Variants in SPINK5 observed in about 807,000 individuals in gnomAD.
SPINK5 encodes the protein serine peptidase inhibitor Kazal type 5, also known as serine protease inhibitor Kazal-type 5.
Under a neutral mutation model 151.8 loss-of-function variants are expected in SPINK5, and 125 were observed. The observed-to-expected ratio is 0.82, with a 90% CI of 0.71 to 0.96. SPINK5 has a LOEUF of 0.96. Among genes scored for constraint, SPINK5 ranks in the 40% least tolerant of loss-of-function variants. The probability of loss-of-function intolerance (pLI) is 0.00; values close to 1 mark genes in which losing one functional copy is unlikely to be tolerated. For missense variants in SPINK5, 1,194 were observed against 1,291.9 expected (o/e 0.92, Z 1.16); for synonymous variants, 374 against 395.3 (o/e 0.95, Z 0.64).
At position 148,064,057 on chromosome 5, in the gene SPINK5, A is replaced by C. The variant is rs769595604; in HGVS notation, c.13A>C (p.Thr5Pro). MKIA[T>P]VSVLLPLALC... ...CATCGTCTTCAACATGAAGATAGCC[A>C]CAGTGTCAGTGCTTCTGCCCTTGGC... Residue 5 changes from threonine (T) to proline (P), a missense_variant, in exon 1 of 33, where the codon ACA becomes CCA. Coordinates refer to ENST00000256084, the MANE Select transcript of SPINK5 (RefSeq NM_006846.4). 6.8e-6 allele frequency: 11 copies of C among 1,614,080 alleles called. No individual in the cohort carries two copies. The East Asian group carries it at 2.5e-4, about 36-fold the overall frequency.
At chr5:148,089,757 C>A in intron 7 of SPINK5, 136 bp downstream of exon 7, 3 of 1,250,284 alleles carry the variant, frequency 2.4e-6, no homozygotes, top group Non-Finnish European at 2.3e-6. Context: ...TAGCCTTTCT[C>A]ACAGAAAGGC....
intron 1 of SPINK5, among the ~76,000 whole-genome samples, 168 bp downstream of exon 1, chr5:148,064,267 T>C (rs1752519266): frequency 6.6e-6 from 1 of 152,214 alleles, no homozygotes; most frequent in African/African-American, 2.4e-5. Context: ...GGCTTTATAA[T>C]TATGTTGTTA....
At position 148,131,507 on chromosome 5, in the gene SPINK5, T is replaced by G. The variant is rs575973286; in HGVS notation, c.3095+118T>G. On this transcript the variant is annotated intron_variant, in intron 31 of 32. Transcript: ENST00000256084. ...TGTGTTGCAAGTAATTTATTCATCA[T>G]AGAAGTTAAAAATTCAAAATTTGTG... 40 of 1,452,690 alleles carry G rather than the reference T, an allele frequency of 2.8e-5. 1 individual carries two copies. In the Admixed American group the frequency reaches 7.1e-4, roughly 26 times the overall value. The allele number at this position is 1,452,690 out of a possible 1,614,324, so 90.0% of individuals were successfully genotyped here.
rs1424448025 is a variant in SPINK5, at chr5:148,072,138, C to G, written c.210-10C>G. 2 of 1,611,078 alleles carry G rather than the reference C, an allele frequency of 1.2e-6. No homozygotes were observed. The highest frequency in any genetic ancestry group is 1.7e-6 in the Non-Finnish European group (2 of 1,177,906). ...ATGTTTAAACTATGCTATTTCTTGT[C>G]CTTTTCCAGGGAAAAAGAAGCAAAA... On this transcript the variant is annotated splice_polypyrimidine_tract_variant and intron_variant, in intron 3 of 32. Transcript: ENST00000256084.
At chr5:148,093,838 C>T (rs1753380979) in intron 8 of SPINK5, among the ~76,000 whole-genome samples, 1 of 151,802 alleles carries the variant, frequency 6.6e-6, no homozygotes, top group African/African-American at 2.4e-5. Flanking sequence ...AATAAACCTA[C>T]CACATAACAG....
chr5:148,080,893 T>C (rs1337226210), intron 4 of SPINK5, among the ~76,000 whole-genome samples: 5 of 151,576 alleles, frequency 3.3e-5, no homozygotes, highest in Non-Finnish European at 7.4e-5. Flanking sequence ...ACAACCTATA[T>C]AGCAGGTAAG....
intron 22 of SPINK5, among the ~76,000 whole-genome samples, chr5:148,118,017 TTTTG>T (rs1219457393): frequency 2.0e-5 from 3 of 151,778 alleles, no homozygotes; most frequent in South Asian, 2.1e-4. Flanking sequence ...TTAGGGGTTT[TTTTG>T]TTTGTTTGTT....
intron 2 of SPINK5, among the ~76,000 whole-genome samples, chr5:148,067,908 C>T (rs1752627048): frequency 6.6e-6 from 1 of 152,086 alleles, no homozygotes. Flanking sequence ...GCCACTGCAC[C>T]TGGCCTGATG....
intron 26 of SPINK5, among the ~76,000 whole-genome samples, chr5:148,121,430 C>T (rs1001067565): frequency 1.3e-5 from 2 of 151,736 alleles, no homozygotes; most frequent in Non-Finnish European, 2.9e-5. Context: ...GAAAATGAAA[C>T]CTTATTAGTA....
Position 148,120,350 on chromosome 5 carries a change from G to A in SPINK5, c.2497G>A (p.Gly833Arg). The A allele has an allele frequency of 6.2e-7, 1 of 1,601,284 alleles. No individual in the cohort carries two copies. Among genetic ancestry groups the A allele is most frequent in the Non-Finnish European group, 8.5e-7 (1 of 1,172,126 alleles). ...AGAGGATGAAGACAGGAGCAATACAGGAGAAAGGAGCAATACAGGAGAAAG... is the reference window on the plus strand; with the variant it reads ...AGAGGATGAAGACAGGAGCAATACAAGAGAAAGGAGCAATACAGGAGAAAG... ...KKEDEDRSNTGERSNTGERSN... is the reference protein window; with the variant it reads ...KKEDEDRSNTRERSNTGERSN... The change falls in exon 26 of 33, where the codon GGA becomes AGA. Residue 833 changes from glycine (G) to arginine (R), a missense_variant. Gly to Arg is a moderately radical substitution (Grantham distance 125, BLOSUM62 -2). Coordinates refer to ENST00000256084, the MANE Select transcript of SPINK5 (RefSeq NM_006846.4).
chr5:148,072,489 A>G lies in SPINK5; in HGVS notation c.282+269A>G, dbSNP rs79703213. 0.013 allele frequency among the ~76,000 whole-genome samples: 2,038 copies of G among 152,108 alleles called. 38 individuals carry two copies. The highest frequency in any genetic ancestry group is 0.047 in the African/African-American group (1,942 of 41,526). On this transcript the variant is annotated intron_variant, in intron 4 of 32. Transcript: ENST00000256084. ...AGTGTGATGTCTGCCTTCCAAGGCC[A>G]TCATTTCTCATTCCTCTTGTCCTGT...
chr5:148,111,932 G>T, intron 19 of SPINK5, 37 bp downstream of exon 19: 1 of 1,613,690 alleles, frequency 6.2e-7, no homozygotes, highest in Non-Finnish European at 8.5e-7. Flanking sequence ...ACTGAGTGTG[G>T]GAGAAGATCA....
chr5:148,083,953 T>A (rs1753088102), intron 4 of SPINK5, among the ~76,000 whole-genome samples: 4 of 151,818 alleles, frequency 2.6e-5, no homozygotes, highest in African/African-American at 9.7e-5. Context: ...ATTGCTAGAT[T>A]TATTATCATT....
intron 26 of SPINK5, among the ~76,000 whole-genome samples, chr5:148,122,987 T>G (rs1456479880): frequency 6.6e-6 from 1 of 151,284 alleles, no homozygotes; most frequent in Non-Finnish European, 1.5e-5. Context: ...AGTAGACTTA[T>G]GTGTGGAATA....
Position 148,082,839 on chromosome 5 carries a change from G to A in SPINK5, c.283-3566G>A, listed in dbSNP as rs1295814152. 2.1e-4 allele frequency among the ~76,000 whole-genome samples: 3 copies of A among 14,630 alleles called. 1 individual carries two copies. The highest frequency in any genetic ancestry group is 3.0e-4 in the Non-Finnish European group (3 of 9,862). The allele number at this position is 14,630 out of a possible 152,430, so 9.6% of individuals were successfully genotyped here. A position where few individuals can be genotyped will look rare whatever the true frequency, so the allele number is the denominator to read the frequency against. The stretch of plus-strand genomic sequence containing the variant: ...TTAGCCAGGATGGTCTCGATCTCCT[G>A]ACCTCGTGATCCGCCCGCCTCGGCC... On this transcript the variant is annotated intron_variant, in intron 4 of 32. Coordinates refer to ENST00000256084, the MANE Select transcript of SPINK5 (RefSeq NM_006846.4).
At chr5:148,067,261 T>A (rs1269539201) in intron 2 of SPINK5, among the ~76,000 whole-genome samples, 1 of 152,092 alleles carries the variant, frequency 6.6e-6, no homozygotes, top group Admixed American at 6.6e-5. Flanking sequence ...AGACAACAAA[T>A]TAGGCCTCAG....
rs538290857 is a variant in SPINK5, at chr5:148,104,809, T to C, written c.1431-143T>C. 2.1e-4 allele frequency: 130 copies of C among 631,942 alleles called. No individual in the cohort carries two copies. In the African/African-American group the frequency reaches 2.2e-3, roughly 11 times the overall value. 39.1% of individuals were successfully genotyped at this position (631,942 alleles called of 1,614,324 possible). A position where few individuals can be genotyped will look rare whatever the true frequency, so the allele number is the denominator to read the frequency against. ...TACTTGGGAGGCTGAGGCAGGAGAA[T>C]TGCTTGAACCCGGGAGGTGGAGGTT... On this transcript the variant is annotated intron_variant, in intron 15 of 32. Transcript: ENST00000256084.
At chr5:148,102,558 C>A (rs1470777704) in intron 15 of SPINK5, among the ~76,000 whole-genome samples, 1 of 152,004 alleles carries the variant, frequency 6.6e-6, no homozygotes, top group African/African-American at 2.4e-5. Context: ...AGAATAATTT[C>A]TTCTATGACA....
At position 148,133,364 on chromosome 5, in the gene SPINK5, G is replaced by A. The variant is rs188281033; in HGVS notation, c.3096-433G>A. The stretch of plus-strand genomic sequence containing the variant: ...TCTCCAGTGAGAGGCATTAAAATTC[G>A]TACTCCTTAAGATTCATTCCAACTA... On this transcript the variant is annotated intron_variant, in intron 31 of 32. Transcript: ENST00000256084. 4.7e-3 allele frequency among the ~76,000 whole-genome samples: 717 copies of A among 152,202 alleles called. 6 individuals are homozygous for A. The highest frequency in any genetic ancestry group is 0.017 in the African/African-American group (689 of 41,532).
Sources: allele counts gnomAD v4.1 joint callset (sites outside exome capture counted in the v4.1 genomes callset), GRCh38; gene constraint gnomAD v4.1.1; transcripts MANE v1.5; gene names NCBI Gene and HGNC (gene_info 2026-07-23, HGNC 2026-07-21).